CPEB1: variants seen among roughly 807,000 people sequenced by gnomAD.
The protein encoded by CPEB1 is cytoplasmic polyadenylation element-binding protein 1.
A neutral mutation model predicts 65.8 loss-of-function variants in CPEB1; 7 were observed. The ratio of observed to expected loss-of-function variants is 0.11; its 90% CI spans 0.06 to 0.20. CPEB1 has a LOEUF of 0.20. CPEB1 is among the 10% of genes least tolerant of loss of function. CPEB1 has a pLI of 1.00. For missense variants in CPEB1, 551 were observed against 712.2 expected (o/e 0.77, Z 2.58); for synonymous variants, 262 against 260.0 (o/e 1.01, Z -0.08).
chr15:82,577,417 G>A (rs2040775391), intron 3 of CPEB1, among the ~76,000 whole-genome samples: 1 of 151,992 alleles, frequency 6.6e-6, no homozygotes. Flanking sequence ...TACAAATGTT[G>A]CACAAAAACT....
chr15:82,616,747 T>C (rs1470026055), intron 3 of CPEB1, among the ~76,000 whole-genome samples: 2 of 152,120 alleles, frequency 1.3e-5, no homozygotes, highest in Non-Finnish European at 2.9e-5. Flanking sequence ...TTCACCATGT[T>C]GGCCAGGCTG....
intron 3 of CPEB1, among the ~76,000 whole-genome samples, chr15:82,598,363 G>A (rs550045883): frequency 9.2e-5 from 14 of 152,016 alleles, no homozygotes; most frequent in South Asian, 2.1e-4. Context: ...GCATGGTGGC[G>A]CACACCTGTA....
At chr15:82,596,016 C>A (rs964655774) in intron 3 of CPEB1, among the ~76,000 whole-genome samples, 7 of 152,186 alleles carry the variant, frequency 4.6e-5, no homozygotes, top group African/African-American at 1.7e-4. Flanking sequence ...TCAGTAAAAT[C>A]TGTACTGCAG....
In CPEB1 at chr15:82,555,957, A is replaced by C; in HGVS notation, c.853T>G (p.Ser285Ala). ...TSASKRWPGASVWPSWDLLEA... is the reference protein window; with the variant it reads ...TSASKRWPGAAVWPSWDLLEA... ...AGGAGGTCCCAGGATGGCCACACAG[A>C]AGCTCCTGGCCATCTCTTTGAAGCA... Residue 285 changes from serine (S) to alanine (A), a missense_variant, in exon 6 of 13, where the codon TCT becomes GCT. Physicochemically the swap from Ser to Ala is moderately conservative, Grantham distance 99. Coordinates refer to ENST00000684509, the MANE Select transcript of CPEB1 (RefSeq NM_001365242.1). The C allele has an allele frequency of 6.2e-7, 1 of 1,613,542 alleles. No homozygotes were observed. Among genetic ancestry groups the C allele is most frequent in the Admixed American group, 1.7e-5 (1 of 59,940 alleles).
intron 3 of CPEB1, among the ~76,000 whole-genome samples, chr15:82,617,014 C>A (rs565150671): frequency 1.4e-4 from 21 of 152,308 alleles, no homozygotes; most frequent in African/African-American, 4.8e-4. Context: ...GACCACTTAT[C>A]GTCAAGTTCT....
rs567667836 is a variant in CPEB1, at chr15:82,600,572, AAAG to A, written c.271+26618_271+26620del. Among the ~76,000 whole-genome samples the A allele has an allele frequency of 6.7e-3, 1,019 of 152,312 alleles. 8 individuals carry two copies. Among genetic ancestry groups the A allele is most frequent in the Middle Eastern group, 0.034 (10 of 294 alleles). On this transcript the variant is annotated intron_variant, in intron 3 of 12. Transcript: ENST00000684509. Reference sequence around the variant, plus strand: ...TGAAATGTATAGCAGCAACAGCACAAAAGAAGTGGGGACAGGATAACAAGTTCT... The same window carrying A: ...TGAAATGTATAGCAGCAACAGCACAAAAGTGGGGACAGGATAACAAGTTCT...
intron 3 of CPEB1, among the ~76,000 whole-genome samples, chr15:82,624,943 TCCTCCCACTTCAC>T (rs1230865799): frequency 6.6e-6 from 1 of 152,006 alleles, no homozygotes; most frequent in Non-Finnish European, 1.5e-5. Flanking sequence ...GCTCAAGTGA[TCCTCCCACTTCAC>T]CCTCCAAGTA....
chr15:82,549,413 C>T lies in CPEB1; in HGVS notation c.1480+47G>A, dbSNP rs576592988. 12 of 1,606,070 alleles carry T rather than the reference C, an allele frequency of 7.5e-6. No homozygotes were observed. In the East Asian group the frequency reaches 1.8e-4, roughly 24 times the overall value. On this transcript the variant is annotated intron_variant, in intron 10 of 12. Coordinates refer to ENST00000684509, the MANE Select transcript of CPEB1 (RefSeq NM_001365242.1). ...GGGGAAGTATCACAATCTTGGTCTA[C>T]TCCCAGGGGCCAACCAAGCTTTCGC... is the stretch of plus-strand genomic sequence containing the variant.
At chr15:82,645,943 G>A (rs1480854803) in intron 1 of CPEB1, among the ~76,000 whole-genome samples, 1 of 152,048 alleles carries the variant, frequency 6.6e-6, no homozygotes, top group Non-Finnish European at 1.5e-5. Context: ...TGGGAATACA[G>A]TTCAGCTCCA....
At position 82,574,186 on chromosome 15, in the gene CPEB1, T is replaced by A. The variant is rs548125371; in HGVS notation, c.272-2654A>T. ...CTCCTTATCCAGACATTCCTCAATC[T>A]GTTGTTTCTTCTAGATAAAGATTTT... On this transcript the variant is annotated intron_variant, in intron 3 of 12. Transcript: ENST00000684509. Among the ~76,000 whole-genome samples the A allele has an allele frequency of 2.0e-5, 3 of 152,324 alleles. No individual in the cohort carries two copies. The East Asian group carries it at 5.8e-4, about 29-fold the overall frequency.
At chr15:82,646,458 CG>C (rs1406523798) in intron 1 of CPEB1, among the ~76,000 whole-genome samples, 1 of 152,058 alleles carries the variant, frequency 6.6e-6, no homozygotes, top group East Asian at 1.9e-4. Flanking sequence ...AGGCGCGGGG[CG>C]GGGGAGGAGA....
chr15:82,633,085 T>C (rs1356610037), intron 1 of CPEB1: 5 of 152,348 alleles, frequency 3.3e-5, no homozygotes, highest in East Asian at 3.9e-4. Context: ...AGGTCACTTG[T>C]AGCTTTTTTT....
chr15:82,642,062 T>C (rs374954290), intron 1 of CPEB1, among the ~76,000 whole-genome samples: 1 of 152,228 alleles, frequency 6.6e-6, no homozygotes, highest in African/African-American at 2.4e-5. Flanking sequence ...TTTAGTTCAA[T>C]CTTTTTCAGC....
intron 3 of CPEB1, among the ~76,000 whole-genome samples, chr15:82,610,356 G>A (rs1254380176): frequency 1.3e-5 from 2 of 152,232 alleles, no homozygotes; most frequent in African/African-American, 4.8e-5. Context: ...TTACAACTCA[G>A]TCATGAAGCA....
chr15:82,543,919 G>T lies in CPEB1; in HGVS notation c.*673C>A, dbSNP rs1434996403. The T allele has an allele frequency of 1.3e-5, 2 of 152,212 alleles. No homozygotes were observed. The highest frequency in any genetic ancestry group is 2.9e-5 in the Non-Finnish European group (2 of 68,018). 9.4% of individuals were successfully genotyped at this position (152,212 alleles called of 1,614,324 possible). A position where few individuals can be genotyped will look rare whatever the true frequency, so the allele number is the denominator to read the frequency against. On this transcript the variant is annotated 3_prime_UTR_variant, in exon 13 of 13. Transcript: ENST00000684509. ...CAAATTTGCTATAATGTTAAAAGCT[G>T]CCAGGAAAGAAAAAATATCTTGTTC...
intron 3 of CPEB1, among the ~76,000 whole-genome samples, chr15:82,594,254 GC>G (rs2042496940): frequency 1.3e-5 from 2 of 152,114 alleles, no homozygotes; most frequent in African/African-American, 4.8e-5. Context: ...AATGATCTTA[GC>G]TAGATCTTCT....
At chr15:82,584,499 G>A (rs575223027) in intron 3 of CPEB1, among the ~76,000 whole-genome samples, 2 of 151,626 alleles carry the variant, frequency 1.3e-5, no homozygotes, top group East Asian at 3.9e-4. Context: ...CCAACATGGT[G>A]AAACCCCATC....
chr15:82,595,956 GA>G (rs140490123), intron 3 of CPEB1, among the ~76,000 whole-genome samples: 46 of 152,272 alleles, frequency 3.0e-4, no homozygotes, highest in African/African-American at 9.6e-4. Flanking sequence ...CCAATTAACA[GA>G]AACTAGAGGG....
intron 3 of CPEB1, chr15:82,573,080 G>A (rs761940522): frequency 7.2e-6 from 11 of 1,535,496 alleles, no homozygotes; most frequent in African/African-American, 5.5e-5. Flanking sequence ...AAGCAGATAC[G>A]GGAAGCATGC....
Sources: gnomAD v4.1 joint callset for allele counts (sites outside exome capture counted in the v4.1 genomes callset) on GRCh38, gnomAD v4.1.1 for gene constraint, MANE v1.5 for transcripts, NCBI Gene and HGNC (gene_info 2026-07-23, HGNC 2026-07-21) for gene names.